GPR149: variants seen among roughly 807,000 people sequenced by gnomAD.
The protein encoded by GPR149 is G protein-coupled receptor 149.
GPR149 carries 50 observed loss-of-function variants against 50.2 expected under a neutral mutation model. The observed-to-expected ratio is 1.00, with a 90% CI of 0.79 to 1.26. The LOEUF (loss-of-function observed/expected upper bound fraction) is 1.26, where lower values mean the gene tolerates loss of function less well. Among genes scored for constraint, GPR149 ranks in the 50% most tolerant of loss-of-function variants. The pLI is 0.00. For missense variants in GPR149, 983 were observed against 895.4 expected, an observed-to-expected ratio of 1.10 and a Z score of -1.25; for synonymous variants, 405 against 358.2, an observed-to-expected ratio of 1.13 and a Z score of -1.48.
chr3:154,400,134 C>A (rs1342911240), intron 3 of GPR149, among the ~76,000 whole-genome samples: 1 of 151,800 alleles, frequency 6.6e-6, no homozygotes, highest in Non-Finnish European at 1.5e-5. Context: ...CTATAGGCGC[C>A]CGCCACTGCG....
At chr3:154,348,679 G>A (rs1024736946) in intron 3 of GPR149, among the ~76,000 whole-genome samples, 4 of 152,026 alleles carry the variant, frequency 2.6e-5, no homozygotes, top group Non-Finnish European at 4.4e-5. Flanking sequence ...CCCCTCTCTC[G>A]CAACAATCCA....
At chr3:154,403,430 T>G (rs1164898710) in intron 3 of GPR149, among the ~76,000 whole-genome samples, 1 of 152,222 alleles carries the variant, frequency 6.6e-6, no homozygotes, top group Non-Finnish European at 1.5e-5. Flanking sequence ...TATGCTACAT[T>G]TCTGTCATGT....
At chr3:154,406,002 T>C (rs1413185209) in intron 3 of GPR149, among the ~76,000 whole-genome samples, 1 of 151,832 alleles carries the variant, frequency 6.6e-6, no homozygotes, top group African/African-American at 2.4e-5. Flanking sequence ...TGCTGAAAAA[T>C]ATTTGTAACA....
intron 3 of GPR149, among the ~76,000 whole-genome samples, chr3:154,366,366 C>T (rs1714533234): frequency 6.6e-6 from 1 of 152,156 alleles, no homozygotes. Flanking sequence ...AAATACTTTA[C>T]TCCAAAATAC....
chr3:154,398,289 G>A (rs1715341042), intron 3 of GPR149, among the ~76,000 whole-genome samples: 1 of 152,154 alleles, frequency 6.6e-6, no homozygotes, highest in South Asian at 2.1e-4. Flanking sequence ...AACAATTAAG[G>A]TAATGATTAG....
chr3:154,358,963 T>A (rs1444508860), intron 3 of GPR149, among the ~76,000 whole-genome samples: 21 of 152,160 alleles, frequency 1.4e-4, no homozygotes, highest in Non-Finnish European at 2.9e-5. Flanking sequence ...CTAAAGAACA[T>A]GCACCAAGAA....
chr3:154,403,339 C>T (rs1005059871), intron 3 of GPR149, among the ~76,000 whole-genome samples: 6 of 152,106 alleles, frequency 3.9e-5, no homozygotes, highest in Non-Finnish European at 8.8e-5. Context: ...GTCCAAACAA[C>T]AGATGACAAA....
intron 3 of GPR149, among the ~76,000 whole-genome samples, chr3:154,369,288 C>CA (rs1431045492): frequency 1.3e-5 from 2 of 152,210 alleles, no homozygotes; most frequent in Non-Finnish European, 2.9e-5. Flanking sequence ...GTATTCCTTA[C>CA]AAAATGGAGA....
intron 3 of GPR149, among the ~76,000 whole-genome samples, chr3:154,358,116 A>G (rs1167936229): frequency 6.6e-6 from 1 of 151,950 alleles, no homozygotes; most frequent in Non-Finnish European, 1.5e-5. Context: ...CAGGAAGGGG[A>G]ACATCACACA....
chr3:154,344,482 C>T (rs1713877082), intron 3 of GPR149, among the ~76,000 whole-genome samples: 1 of 152,044 alleles, frequency 6.6e-6, no homozygotes, highest in South Asian at 2.1e-4. Flanking sequence ...TGAATAGCAT[C>T]CCCCTCCAAA....
At chr3:154,421,715 A>T (rs1712151207) in intron 2 of GPR149, among the ~76,000 whole-genome samples, 1 of 151,894 alleles carries the variant, frequency 6.6e-6, no homozygotes, top group African/African-American at 2.4e-5. Flanking sequence ...CTTTAAATAC[A>T]TACAATCTTA....
intron 3 of GPR149, among the ~76,000 whole-genome samples, chr3:154,359,539 C>A (rs2108394325): frequency 6.6e-6 from 1 of 152,314 alleles, no homozygotes; most frequent in African/African-American, 2.4e-5. Flanking sequence ...ACCCCAGATG[C>A]TTGGCTATGG....
intron 3 of GPR149, among the ~76,000 whole-genome samples, chr3:154,381,011 G>T (rs1191305823): frequency 2.0e-5 from 3 of 152,084 alleles, no homozygotes; most frequent in Non-Finnish European, 4.4e-5. Flanking sequence ...CAAAGATCAG[G>T]TCTCCACACT....
chr3:154,384,580 GA>G (rs1444219527), intron 3 of GPR149, among the ~76,000 whole-genome samples: 1 of 152,152 alleles, frequency 6.6e-6, no homozygotes, highest in Non-Finnish European at 1.5e-5. Flanking sequence ...TTTTAGGGCT[GA>G]AAAAGACCTG....
At chr3:154,373,681 C>T (rs1355857711) in intron 3 of GPR149, among the ~76,000 whole-genome samples, 1 of 152,154 alleles carries the variant, frequency 6.6e-6, no homozygotes, top group Admixed American at 6.5e-5. Context: ...TTTCTACCTT[C>T]TTGTACTTAA....
intron 2 of GPR149, among the ~76,000 whole-genome samples, chr3:154,425,877 T>C (rs1271150670): frequency 6.6e-6 from 1 of 152,152 alleles, no homozygotes; most frequent in African/African-American, 2.4e-5. Flanking sequence ...GTCTGTTGTT[T>C]GCTTTGTTTT....
At chr3:154,405,950 TA>T (rs1181843785) in intron 3 of GPR149, among the ~76,000 whole-genome samples, 1 of 151,804 alleles carries the variant, frequency 6.6e-6, no homozygotes, top group African/African-American at 2.4e-5. Flanking sequence ...TTGTGCATGG[TA>T]AAAAAATACT....
At chr3:154,375,265 A>G (rs773112915) in intron 3 of GPR149, among the ~76,000 whole-genome samples, 9 of 152,174 alleles carry the variant, frequency 5.9e-5, no homozygotes, top group Admixed American at 2.0e-4. Context: ...ATGCCAAAAC[A>G]TTACATTTTG....
At chr3:154,355,561 G>GTA (rs1400683795) in intron 3 of GPR149, among the ~76,000 whole-genome samples, 2 of 152,112 alleles carry the variant, frequency 1.3e-5, no homozygotes, top group African/African-American at 4.8e-5. Flanking sequence ...GATATGATAT[G>GTA]TATCCAAATT....
Sources: allele counts gnomAD v4.1 joint callset (sites outside exome capture counted in the v4.1 genomes callset), GRCh38; gene constraint gnomAD v4.1.1; transcripts MANE v1.5; gene names NCBI Gene and HGNC (gene_info 2026-07-23, HGNC 2026-07-21).